Variants in PTPRM observed in about 807,000 individuals in gnomAD.
PTPRM encodes protein tyrosine phosphatase receptor type M.
PTPRM carries 47 observed loss-of-function variants against 186.7 expected under a neutral mutation model. The ratio of observed to expected loss-of-function variants is 0.25; its 90% confidence interval spans 0.20 to 0.32. The LOEUF (loss-of-function observed/expected upper bound fraction) is 0.32, where lower values mean the gene tolerates loss of function less well. Among genes scored for constraint, PTPRM ranks in the 10% least tolerant of loss-of-function variants. The pLI is 1.00. For synonymous variants in PTPRM, 668 were observed against 674.9 expected, an observed-to-expected ratio of 0.99 and a Z score of 0.16; for missense variants, 1,494 against 1,865.0, an observed-to-expected ratio of 0.80 and a Z score of 3.66.
intron 7 of PTPRM, among the ~76,000 whole-genome samples, chr18:7,978,527 C>T (rs886542608): frequency 1.3e-5 from 2 of 152,118 alleles, no homozygotes; most frequent in African/African-American, 4.8e-5. Context: ...GAAGTGGTCA[C>T]GTTAATTATT....
chr18:8,305,542 C>A (rs999136649), intron 20 of PTPRM, among the ~76,000 whole-genome samples: 1 of 152,166 alleles, frequency 6.6e-6, no homozygotes, highest in Non-Finnish European at 1.5e-5. Flanking sequence ...AATAACTTCT[C>A]CAAGGCCACA....
At chr18:8,229,569 T>C (rs8091139) in intron 14 of PTPRM, among the ~76,000 whole-genome samples, 67,838 of 151,950 alleles carry the variant, frequency 0.45, 15,742 homozygotes, top group African/African-American at 0.57. Context: ...ATTCCTTGAA[T>C]TTTGTTGCCA....
At chr18:7,780,850 G>A (rs989996615) in intron 2 of PTPRM, among the ~76,000 whole-genome samples, 5 of 152,148 alleles carry the variant, frequency 3.3e-5, no homozygotes, top group African/African-American at 1.2e-4. Flanking sequence ...CCTAAATCCT[G>A]TCAAGACCAA....
intron 11 of PTPRM, among the ~76,000 whole-genome samples, chr18:8,098,720 T>G (rs2091133359): frequency 6.6e-6 from 1 of 152,146 alleles, no homozygotes. Flanking sequence ...TACTGACTCC[T>G]GCAAAAACTT....
At chr18:7,649,337 G>A (rs951648893) in intron 1 of PTPRM, among the ~76,000 whole-genome samples, 3 of 152,192 alleles carry the variant, frequency 2.0e-5, no homozygotes, top group Non-Finnish European at 4.4e-5. Context: ...CATCCATTTT[G>A]TAGTCTACGG....
chr18:7,697,525 A>G (rs1020096867), intron 1 of PTPRM, among the ~76,000 whole-genome samples: 4 of 152,180 alleles, frequency 2.6e-5, no homozygotes, highest in African/African-American at 7.2e-5. Flanking sequence ...AAAGAACACT[A>G]TTGTGTGATT....
At chr18:7,680,346 T>C (rs2039451881) in intron 1 of PTPRM, among the ~76,000 whole-genome samples, 1 of 152,196 alleles carries the variant, frequency 6.6e-6, no homozygotes, top group Non-Finnish European at 1.5e-5. Context: ...AAGGCAACAA[T>C]GTGAATAGCC....
intron 14 of PTPRM, among the ~76,000 whole-genome samples, chr18:8,243,649 G>T (rs959832968): frequency 1.3e-5 from 2 of 152,274 alleles, no homozygotes; most frequent in African/African-American, 4.8e-5. Flanking sequence ...TTACTCAAGG[G>T]AGTCTTCTCT....
At chr18:8,343,060 A>C (rs944896686) in intron 22 of PTPRM, among the ~76,000 whole-genome samples, 1 of 152,188 alleles carries the variant, frequency 6.6e-6, no homozygotes, top group Non-Finnish European at 1.5e-5. Context: ...ATATCTGCTA[A>C]TTGTTAGCAG....
chr18:7,912,714 T>A (rs138170185), intron 4 of PTPRM, among the ~76,000 whole-genome samples: 15,402 of 151,162 alleles, frequency 0.1, 895 homozygotes, highest in African/African-American at 0.14. Flanking sequence ...AGAGATGGCG[T>A]TTCACAGTGT....
chr18:7,736,834 G>A (rs551623934), intron 1 of PTPRM, among the ~76,000 whole-genome samples: 4 of 152,158 alleles, frequency 2.6e-5, no homozygotes, highest in East Asian at 1.9e-4. Flanking sequence ...CGGGCCTGGC[G>A]CTGGGCTGCC....
chr18:8,172,121 T>C (rs186149307), intron 14 of PTPRM, among the ~76,000 whole-genome samples: 1 of 152,264 alleles, frequency 6.6e-6, no homozygotes, highest in East Asian at 1.9e-4. Context: ...ACATACCCGA[T>C]ACTGAGCAGT....
At chr18:7,945,522 G>A (rs951596289) in intron 5 of PTPRM, among the ~76,000 whole-genome samples, 6 of 151,766 alleles carry the variant, frequency 4.0e-5, no homozygotes, top group African/African-American at 1.4e-4. Context: ...CACCAGATGA[G>A]GCCATTTGAC....
intron 23 of PTPRM, among the ~76,000 whole-genome samples, chr18:8,360,282 G>A (rs2148386079): frequency 6.6e-6 from 1 of 152,306 alleles, no homozygotes; most frequent in African/African-American, 2.4e-5. Flanking sequence ...ACATGTCTAA[G>A]ACCAGAGAAA....
At chr18:7,577,858 C>T (rs2036730563) in intron 1 of PTPRM, among the ~76,000 whole-genome samples, 2 of 152,140 alleles carry the variant, frequency 1.3e-5, no homozygotes, top group Admixed American at 1.3e-4. Flanking sequence ...AGAGCCTCTG[C>T]TTTTCTTTCT....
At chr18:8,140,309 A>G (rs1465383965) in intron 13 of PTPRM, among the ~76,000 whole-genome samples, 2 of 152,114 alleles carry the variant, frequency 1.3e-5, no homozygotes, top group Non-Finnish European at 2.9e-5. Flanking sequence ...GGCTGAGTAC[A>G]TCGTGTTCTC....
At chr18:7,734,176 G>A (rs1396985769) in intron 1 of PTPRM, among the ~76,000 whole-genome samples, 1 of 152,186 alleles carries the variant, frequency 6.6e-6, no homozygotes, top group Non-Finnish European at 1.5e-5. Flanking sequence ...GAGGACAAAT[G>A]AGTAATCTTC....
intron 3 of PTPRM, among the ~76,000 whole-genome samples, chr18:7,902,931 A>G (rs1005876254): frequency 1.3e-5 from 2 of 151,826 alleles, no homozygotes; most frequent in Non-Finnish European, 2.9e-5. Context: ...ACACATACAG[A>G]TCAACTTAAA....
At chr18:8,281,556 A>G (rs1294524569) in intron 19 of PTPRM, among the ~76,000 whole-genome samples, 7 of 152,182 alleles carry the variant, frequency 4.6e-5, no homozygotes, top group Admixed American at 6.5e-5. Flanking sequence ...TGACTGCACC[A>G]TAAACTAAGA....
Sources: gnomAD v4.1 joint callset for allele counts (sites outside exome capture counted in the v4.1 genomes callset) on GRCh38, gnomAD v4.1.1 for gene constraint, MANE v1.5 for transcripts, NCBI Gene and HGNC (gene_info 2026-07-23, HGNC 2026-07-21) for gene names.